PCDHA4: variants seen among roughly 807,000 people sequenced by gnomAD.
The protein encoded by PCDHA4 is protocadherin alpha-4.
PCDHA4 carries 49 observed loss-of-function variants against 61.4 expected under a neutral mutation model. The ratio of observed to expected loss-of-function variants is 0.80; its 90% CI spans 0.63 to 1.01. The LOEUF (loss-of-function observed/expected upper bound fraction) is 1.01. Among genes scored for constraint, PCDHA4 ranks in the 50% least tolerant of loss-of-function variants. The pLI, the probability that PCDHA4 is intolerant of heterozygous loss-of-function variation, is 0.00. For missense variants in PCDHA4, 1,254 were observed against 1,235.8 expected, an observed-to-expected ratio of 1.01 and a Z score of -0.22; for synonymous variants, 590 against 550.3, an observed-to-expected ratio of 1.07 and a Z score of -1.01.
At chr5:140,870,241 G>A (rs782478787) in intron 1 of PCDHA4, 2 of 1,614,196 alleles carry the variant, frequency 1.2e-6, no homozygotes, top group South Asian at 1.1e-5. Flanking sequence ...TGACTCAGGT[G>A]TCAACGGACA....
chr5:140,975,868 C>T (rs553871611), intron 1 of PCDHA4, among the ~76,000 whole-genome samples: 2 of 152,222 alleles, frequency 1.3e-5, no homozygotes, highest in East Asian at 3.9e-4. Flanking sequence ...ATATGGACTA[C>T]CTAATTGATT....
In PCDHA4 at chr5:140,993,460, T is replaced by TCCCA. The variant is rs1554253699; in HGVS notation, c.2533+10898_2533+10899insCCAC. On this transcript the variant is annotated intron_variant, in intron 3 of 3. Transcript: ENST00000530339. Reference sequence around the variant, plus strand: ...TTCATTCCTGTTCTCCTTCTTTCTTTCTCACACACACACACACACACACAC... The same window carrying TCCCA: ...TTCATTCCTGTTCTCCTTCTTTCTTTCCCACTCACACACACACACACACACACAC... Among the ~76,000 whole-genome samples, 30 of 104,506 alleles carry TCCCA rather than the reference T, an allele frequency of 2.9e-4. 1 individual carries two copies. The highest frequency in any genetic ancestry group is 1.1e-3 in the African/African-American group (29 of 25,484). The allele number at this position is 104,506 out of a possible 152,430, so 68.6% of individuals were successfully genotyped here.
chr5:140,831,586 C>T (rs1771633108), intron 1 of PCDHA4, among the ~76,000 whole-genome samples: 1 of 142,296 alleles, frequency 7.0e-6, no homozygotes, highest in South Asian at 2.4e-4. Flanking sequence ...TGGTCTCAAA[C>T]TACTGGGTGC....
At chr5:140,871,004 G>T in intron 1 of PCDHA4, 1 of 1,613,410 alleles carries the variant, frequency 6.2e-7, no homozygotes, top group Non-Finnish European at 8.5e-7. Context: ...AGCACAACGC[G>T]TGCCCTGGAC....
At chr5:141,005,303 A>T (rs2098205194) in intron 3 of PCDHA4, among the ~76,000 whole-genome samples, 2 of 152,212 alleles carry the variant, frequency 1.3e-5, no homozygotes, top group Non-Finnish European at 2.9e-5. Context: ...TGCCTTTGTG[A>T]ATCTTACAGT....
intron 1 of PCDHA4, among the ~76,000 whole-genome samples, chr5:140,951,417 C>G (rs1259525145): frequency 6.6e-6 from 1 of 152,044 alleles, no homozygotes; most frequent in Non-Finnish European, 1.5e-5. Context: ...AATTGGCTCA[C>G]AGTTCCACAG....
intron 1 of PCDHA4, among the ~76,000 whole-genome samples, chr5:140,903,696 A>G (rs2153481433): frequency 6.6e-6 from 1 of 152,370 alleles, no homozygotes; most frequent in East Asian, 1.9e-4. Context: ...ATAGTTTAAA[A>G]TAGTAATAAA....
chr5:140,913,178 A>G (rs2076245523), intron 1 of PCDHA4, among the ~76,000 whole-genome samples: 1 of 152,156 alleles, frequency 6.6e-6, no homozygotes, highest in African/African-American at 2.4e-5. Context: ...TCTTCTTTAA[A>G]TGTTTGGTAG....
intron 1 of PCDHA4, among the ~76,000 whole-genome samples, chr5:140,975,269 T>A (rs1348655604): frequency 1.3e-5 from 2 of 152,252 alleles, no homozygotes; most frequent in African/African-American, 4.8e-5. Context: ...CTGATTTCTG[T>A]CTCTGACCTC....
At chr5:140,908,455 AT>A (rs367827339) in intron 1 of PCDHA4, among the ~76,000 whole-genome samples, 51 of 152,296 alleles carry the variant, frequency 3.3e-4, no homozygotes, top group African/African-American at 9.9e-4. Flanking sequence ...GGCTAGATGG[AT>A]CAGAAAGCAC....
At chr5:140,813,300 A>G (rs1301476269) in intron 1 of PCDHA4, 1 of 152,198 alleles carries the variant, frequency 6.6e-6, no homozygotes, top group Non-Finnish European at 1.5e-5. Flanking sequence ...CTGAGATTTC[A>G]TCACTGTGCA....
intron 1 of PCDHA4, chr5:140,854,000 C>CA (rs112540154): frequency 0.023 from 8,090 of 347,992 alleles, 12 homozygotes; most frequent in Middle Eastern, 0.03. Flanking sequence ...TCATCTCTGC[C>CA]AAAAAAAAAA....
intron 1 of PCDHA4, among the ~76,000 whole-genome samples, chr5:140,930,742 A>G (rs2087064675): frequency 6.6e-6 from 1 of 152,216 alleles, no homozygotes; most frequent in Non-Finnish European, 1.5e-5. Context: ...AATAAAATAA[A>G]TTTACATATG....
chr5:140,876,960 G>A (rs781808609), intron 1 of PCDHA4: 4 of 1,613,122 alleles, frequency 2.5e-6, no homozygotes, highest in East Asian at 4.5e-5. Context: ...CGCTGGTGGA[G>A]CGGCGGGTGG....
chr5:140,886,884 A>C (rs903199967), intron 1 of PCDHA4, among the ~76,000 whole-genome samples: 9 of 151,846 alleles, frequency 5.9e-5, no homozygotes, highest in African/African-American at 1.9e-4. Flanking sequence ...AACATTCATT[A>C]ATTAAATGCA....
At chr5:140,884,400 T>C (rs2060147472) in intron 1 of PCDHA4, 1 of 1,613,972 alleles carries the variant, frequency 6.2e-7, no homozygotes, top group Non-Finnish European at 8.5e-7. Context: ...TCCAGCCTGT[T>C]GGTGCTCACG....
intron 1 of PCDHA4, among the ~76,000 whole-genome samples, chr5:140,932,798 T>C (rs2153613163): frequency 6.6e-6 from 1 of 151,958 alleles, no homozygotes; most frequent in Middle Eastern, 3.4e-3. Flanking sequence ...AGAAAAGCAA[T>C]ACCTTGGAAA....
At chr5:140,922,863 G>A (rs1429324543) in intron 1 of PCDHA4, among the ~76,000 whole-genome samples, 10 of 152,160 alleles carry the variant, frequency 6.6e-5, no homozygotes, top group Admixed American at 5.2e-4. Context: ...ACATAGACAA[G>A]GGGAAAAAAT....
intron 1 of PCDHA4, among the ~76,000 whole-genome samples, chr5:140,831,516 C>T (rs572603415): frequency 1.5e-5 from 2 of 130,466 alleles, no homozygotes; most frequent in African/African-American, 3.2e-5. Context: ...ACCATGCCCC[C>T]CACCTTTTTT....
Sources: allele counts gnomAD v4.1 joint callset (sites outside exome capture counted in the v4.1 genomes callset), GRCh38; gene constraint gnomAD v4.1.1; transcripts MANE v1.5; gene names NCBI Gene and HGNC (gene_info 2026-07-23, HGNC 2026-07-21).